Variants in SLC43A2 observed in about 807,000 individuals in gnomAD.
SLC43A2 encodes large neutral amino acids transporter small subunit 4.
SLC43A2 carries 38 observed loss-of-function variants against 63.2 expected under a neutral mutation model. The ratio of observed to expected loss-of-function variants is 0.60; its 90% CI spans 0.46 to 0.79. The LOEUF is 0.79. Ranked by LOEUF, SLC43A2 falls within the 30% of genes least tolerant of loss-of-function variation. The pLI, the probability that SLC43A2 is intolerant of heterozygous loss-of-function variation, is 0.00. For synonymous variants in SLC43A2, 322 were observed against 331.0 expected, an observed-to-expected ratio of 0.97 and a Z score of 0.30; for missense variants, 644 against 756.2, an observed-to-expected ratio of 0.85 and a Z score of 1.74.
chr17:1,626,275 G>A (rs1343356107), intron 2 of SLC43A2, among the ~76,000 whole-genome samples: 3 of 151,096 alleles, frequency 2.0e-5, no homozygotes, highest in Non-Finnish European at 4.4e-5. Context: ...GGAAAGGAGA[G>A]GAAGAAGTAA....
chr17:1,615,632 A>G (rs1034816766), intron 3 of SLC43A2, among the ~76,000 whole-genome samples: 2 of 150,158 alleles, frequency 1.3e-5, no homozygotes, highest in Non-Finnish European at 3.0e-5. Flanking sequence ...TCACAAGGTC[A>G]GGAGATCGAG....
At chr17:1,584,563 C>T (rs1318326235) in intron 10 of SLC43A2, among the ~76,000 whole-genome samples, 1 of 152,140 alleles carries the variant, frequency 6.6e-6, no homozygotes, top group Non-Finnish European at 1.5e-5. Context: ...CCTGTAATCC[C>T]AGCACTCTGG....
At position 1,585,618 on chromosome 17, in the gene SLC43A2, C is replaced by T. The variant is rs529755184; in HGVS notation, c.1217+295G>A. 2.3e-4 allele frequency: 290 copies of T among 1,240,318 alleles called. 1 individual carries two copies. The highest frequency in any genetic ancestry group is 1.2e-4 in the Non-Finnish European group (115 of 946,492). The allele number at this position is 1,240,318 out of a possible 1,614,324, so 76.8% of individuals were successfully genotyped here. A position where few individuals can be genotyped will look rare whatever the true frequency, so the allele number is the denominator to read the frequency against. Reference sequence around the variant, plus strand: ...TCCCAGGCTGGTCTCCAACTCCTGGCCTCAAGTGATCTTCCTACCCCAGCC... The same window carrying T: ...TCCCAGGCTGGTCTCCAACTCCTGGTCTCAAGTGATCTTCCTACCCCAGCC... On this transcript the variant is annotated intron_variant, in intron 10 of 13. Coordinates refer to ENST00000301335, the MANE Select transcript of SLC43A2 (RefSeq NM_152346.3).
At chr17:1,596,419 T>A (rs948541765) in intron 5 of SLC43A2, among the ~76,000 whole-genome samples, 1 of 149,314 alleles carries the variant, frequency 6.7e-6, no homozygotes, top group African/African-American at 2.5e-5. Context: ...AGGGCAGGAG[T>A]TCAAGAAAGT....
At chr17:1,623,533 T>G (rs1255031453) in intron 2 of SLC43A2, among the ~76,000 whole-genome samples, 1 of 152,106 alleles carries the variant, frequency 6.6e-6, no homozygotes, top group Non-Finnish European at 1.5e-5. Context: ...CTTCCTCCTG[T>G]CTTGGGAATA....
intron 10 of SLC43A2, among the ~76,000 whole-genome samples, chr17:1,584,520 A>G (rs189109794): frequency 2.0e-5 from 3 of 152,272 alleles, no homozygotes; most frequent in Non-Finnish European, 2.9e-5. Flanking sequence ...GGAGCCATGG[A>G]AAACAGCGTT....
In SLC43A2 at chr17:1,577,915, T is replaced by A. The variant is rs1366417412; in HGVS notation, c.1424+335A>T. Among the ~76,000 whole-genome samples the A allele has an allele frequency of 6.6e-6, 1 of 152,028 alleles. No individual in the cohort carries two copies. The highest frequency in any genetic ancestry group is 1.5e-5 in the Non-Finnish European group (1 of 67,994). ...GCCAGAACCTACCCATCCTTCCCAGTGAGCAGCCAGGGCCAGCCCCAGGAC... is the reference window on the plus strand; with the variant it reads ...GCCAGAACCTACCCATCCTTCCCAGAGAGCAGCCAGGGCCAGCCCCAGGAC... On this transcript the variant is annotated intron_variant, in intron 12 of 13. Coordinates refer to ENST00000301335, the MANE Select transcript of SLC43A2 (RefSeq NM_152346.3). The surrounding 1 kb of genome is among the most constrained non-coding windows in gnomAD (Gnocchi z 4.9).
rs371274424 is a variant in SLC43A2, at chr17:1,586,070, C to T, written c.1079-19G>A. The stretch of plus-strand genomic sequence containing the variant: ...AGGCCAACTGTGGAGGAAGGCGCTG[C>T]GTCATGGGGACGCCTGGCAGACAGC... On this transcript the variant is annotated intron_variant, in intron 9 of 13. Coordinates refer to ENST00000301335, the MANE Select transcript of SLC43A2 (RefSeq NM_152346.3). The T allele has an allele frequency of 4.5e-6, 7 of 1,564,170 alleles. No homozygotes were observed. The highest frequency in any genetic ancestry group is 1.7e-4 in the Middle Eastern group (1 of 5,772).
At chr17:1,603,711 G>A (rs1310225286) in intron 5 of SLC43A2, among the ~76,000 whole-genome samples, 3 of 152,138 alleles carry the variant, frequency 2.0e-5, no homozygotes, top group Non-Finnish European at 2.9e-5. Context: ...CTTGAACCCA[G>A]GAGGCAGAGG....
chr17:1,589,951 T>C (rs1480932606), intron 9 of SLC43A2, among the ~76,000 whole-genome samples: 1 of 152,186 alleles, frequency 6.6e-6, no homozygotes, highest in Non-Finnish European at 1.5e-5. Flanking sequence ...AACTGGCTGT[T>C]ATCTGGTTCC....
At chr17:1,600,686 T>C (rs1233656488) in intron 5 of SLC43A2, among the ~76,000 whole-genome samples, 2 of 151,068 alleles carry the variant, frequency 1.3e-5, no homozygotes, top group Non-Finnish European at 2.9e-5. Context: ...CCCGAGCAGC[T>C]GGGATGGATT....
chr17:1,599,498 A>G (rs1905687304), intron 5 of SLC43A2, among the ~76,000 whole-genome samples: 1 of 149,844 alleles, frequency 6.7e-6, no homozygotes, highest in Non-Finnish European at 1.5e-5. Flanking sequence ...CCAGCAGTTC[A>G]AGACCAGCCT....
chr17:1,609,218 T>C (rs573674653), intron 5 of SLC43A2, among the ~76,000 whole-genome samples: 2 of 152,100 alleles, frequency 1.3e-5, no homozygotes, highest in African/African-American at 4.8e-5. Context: ...CAGGCTTTTT[T>C]TTGAGACAGA....
rs774037401 is a variant in SLC43A2 at position 1,575,741 on chromosome 17, T to C, written c.1573A>G (p.Ser525Gly). 5 of 1,612,782 alleles carry C rather than the reference T, an allele frequency of 3.1e-6. No individual in the cohort carries two copies. The highest frequency in any genetic ancestry group is 3.4e-6 in the Non-Finnish European group (4 of 1,179,730). ...LWVNVGLLLL[S>G]LLGFCLPLYL... ...AGCGGGAGGCAGAAGCCCAGCAGGC[T>C]GAGAAGGAGCAGCCCCACGTTCACC... The change falls in exon 14 of 14, where the codon AGC becomes GGC. Residue 525 changes from serine to glycine, a missense_variant. Ser to Gly is a moderately conservative substitution (Grantham distance 56). Around this residue, in one of 3 missense-constraint regions of SLC43A2, gnomAD observed 105 missense variants for 101.7 expected, o/e 1.03. Transcript: ENST00000301335.
Position 1,615,735 on chromosome 17 carries a change from C to T in SLC43A2, c.369-701G>A, listed in dbSNP as rs551841523. Among the ~76,000 whole-genome samples the T allele has an allele frequency of 2.8e-3, 414 of 148,524 alleles. 1 individual carries two copies. Among genetic ancestry groups the T allele is most frequent in the South Asian group, 0.01 (47 of 4,608 alleles). On this transcript the variant is annotated intron_variant, in intron 3 of 13. Transcript: ENST00000301335. ...GCAGGCGCCTGTGGTCCCAGCTACT[C>T]GGGAGGCTGAGGCAGGAGAATAGCG...
At chr17:1,613,549 T>G (rs1286851537) in intron 4 of SLC43A2, among the ~76,000 whole-genome samples, 1 of 152,028 alleles carries the variant, frequency 6.6e-6, no homozygotes, top group Non-Finnish European at 1.5e-5. Flanking sequence ...GACTCCCGGG[T>G]TCAAGTGATC....
intron 5 of SLC43A2, among the ~76,000 whole-genome samples, chr17:1,602,083 C>T (rs1906099369): frequency 6.6e-6 from 1 of 152,202 alleles, no homozygotes; most frequent in African/African-American, 2.4e-5. Context: ...GTGACTACCC[C>T]AGGTGTGCGC....
chr17:1,581,861 A>G (rs186365480), intron 11 of SLC43A2, among the ~76,000 whole-genome samples: 19 of 149,786 alleles, frequency 1.3e-4, no homozygotes, highest in Admixed American at 3.4e-4. Context: ...GCTGGAGTGC[A>G]GTGGCGCAAT....
chr17:1,586,888 G>C (rs923126814), intron 9 of SLC43A2: 1 of 1,523,208 alleles, frequency 6.6e-7, no homozygotes, highest in Non-Finnish European at 8.8e-7. Context: ...GGGTTGAACA[G>C]AGACTGGCTG....
Sources: allele counts gnomAD v4.1 joint callset (sites outside exome capture counted in the v4.1 genomes callset), GRCh38; gene constraint gnomAD v4.1.1; regional missense constraint gnomAD v4.1.1; non-coding constraint Gnocchi (gnomAD v3.1); transcripts MANE v1.5; gene names NCBI Gene and HGNC (gene_info 2026-07-23, HGNC 2026-07-21).